Variants in DAB1 observed in about 807,000 individuals in gnomAD.
DAB1 encodes the protein disabled homolog 1.
DAB1 carries 15 observed loss-of-function variants against 64.6 expected under a neutral mutation model. The ratio of observed to expected loss-of-function variants is 0.23; its 90% CI spans 0.16 to 0.36. The LOEUF is 0.36. DAB1 is among the 10% of genes least tolerant of loss of function. The pLI is 1.00. For missense variants in DAB1, 596 were observed against 706.7 expected (o/e 0.84, Z 1.78); for synonymous variants, 235 against 251.9 (o/e 0.93, Z 0.64).
chr1:57,867,187 A>T (rs1012959088), intron 1 of DAB1: 21 of 152,144 alleles, frequency 1.4e-4, no homozygotes, highest in Non-Finnish European at 2.9e-5. Context: ...CATTAATCAC[A>T]CACGGCACGC....
intron 7 of DAB1, among the ~76,000 whole-genome samples, chr1:57,442,053 T>C (rs1017696194): frequency 1.3e-5 from 2 of 152,222 alleles, no homozygotes; most frequent in African/African-American, 4.8e-5. Context: ...GCGTTTTTCA[T>C]ATATTTGTTG....
intron 6 of DAB1, among the ~76,000 whole-genome samples, chr1:57,767,440 AG>A (rs896216133): frequency 6.6e-6 from 1 of 152,188 alleles, no homozygotes; most frequent in African/African-American, 2.4e-5. Flanking sequence ...CTAGTCAATA[AG>A]GCTTCCCTTG....
chr1:57,216,314 C>T (rs1025415947), intron 2 of DAB1, among the ~76,000 whole-genome samples: 2 of 152,082 alleles, frequency 1.3e-5, no homozygotes, highest in Non-Finnish European at 2.9e-5. Flanking sequence ...TGGCTTCCAG[C>T]AGGGTACCTT....
intron 4 of DAB1, among the ~76,000 whole-genome samples, chr1:57,085,044 C>T (rs902353802): frequency 1.3e-5 from 2 of 152,208 alleles, no homozygotes; most frequent in African/African-American, 4.8e-5. Context: ...TAGCCATCTC[C>T]TTCAACTTAC....
intron 3 of DAB1, among the ~76,000 whole-genome samples, chr1:58,451,940 G>A (rs1166460130): frequency 1.5e-5 from 2 of 137,230 alleles, no homozygotes; most frequent in East Asian, 2.0e-4. Context: ...TTTTTTTGAC[G>A]GAGTTTCACT....
At chr1:57,108,376 T>G (rs549310715) in intron 4 of DAB1, among the ~76,000 whole-genome samples, 1 of 152,280 alleles carries the variant, frequency 6.6e-6, no homozygotes, top group African/African-American at 2.4e-5. Flanking sequence ...CACTCAGCTG[T>G]TTGGAACACG....
At chr1:57,028,032 A>C (rs747996182) in intron 9 of DAB1, among the ~76,000 whole-genome samples, 10 of 152,180 alleles carry the variant, frequency 6.6e-5, no homozygotes, top group Non-Finnish European at 1.3e-4. Context: ...AATGCAGCAG[A>C]AATAGCAACA....
chr1:57,320,546 C>A (rs369537412), intron 1 of DAB1, among the ~76,000 whole-genome samples: 1 of 152,152 alleles, frequency 6.6e-6, no homozygotes, highest in Non-Finnish European at 1.5e-5. Context: ...CTATATAAAC[C>A]TATCCATGCA....
At chr1:57,249,495 G>T (rs117814189) in intron 2 of DAB1, among the ~76,000 whole-genome samples, 3 of 152,002 alleles carry the variant, frequency 2.0e-5, no homozygotes, top group Non-Finnish European at 4.4e-5. Context: ...CCTTAGTCCC[G>T]CAAGTATCTG....
intron 1 of DAB1, among the ~76,000 whole-genome samples, chr1:57,832,005 G>A (rs1388536194): frequency 2.0e-5 from 3 of 152,040 alleles, no homozygotes; most frequent in Non-Finnish European, 2.9e-5. Context: ...TAAACAATAG[G>A]ACAAACACAT....
At chr1:57,691,346 C>T (rs1434388491) in intron 6 of DAB1, among the ~76,000 whole-genome samples, 1 of 152,112 alleles carries the variant, frequency 6.6e-6, no homozygotes, top group African/African-American at 2.4e-5. Flanking sequence ...TGTAAACACA[C>T]CAAGCAGCAC....
intron 4 of DAB1, among the ~76,000 whole-genome samples, chr1:58,259,773 T>C (rs1001873052): frequency 2.6e-5 from 4 of 152,206 alleles, no homozygotes; most frequent in African/African-American, 9.6e-5. Flanking sequence ...TAATTCTTTG[T>C]TCAAACCATG....
intron 1 of DAB1, among the ~76,000 whole-genome samples, chr1:58,532,136 C>T (rs1346601217): frequency 1.3e-5 from 2 of 152,114 alleles, no homozygotes; most frequent in Non-Finnish European, 2.9e-5. Flanking sequence ...AATACACACA[C>T]AAAAACCTGT....
At chr1:57,764,011 T>C (rs1393443236) in intron 6 of DAB1, among the ~76,000 whole-genome samples, 3 of 152,150 alleles carry the variant, frequency 2.0e-5, no homozygotes, top group Non-Finnish European at 4.4e-5. Context: ...GCAAAGACTA[T>C]CACATGTGTT....
At chr1:57,603,497 G>C (rs1196028254) in intron 7 of DAB1, among the ~76,000 whole-genome samples, 1 of 152,198 alleles carries the variant, frequency 6.6e-6, no homozygotes, top group Non-Finnish European at 1.5e-5. Flanking sequence ...ACAATTATCA[G>C]TCTTCCTGTT....
At chr1:57,498,907 C>CT (rs1644259306) in intron 7 of DAB1, among the ~76,000 whole-genome samples, 1 of 152,144 alleles carries the variant, frequency 6.6e-6, no homozygotes, top group Non-Finnish European at 1.5e-5. Context: ...GGCAAAGGAA[C>CT]TAGGCTCACT....
chr1:58,064,744 C>T (rs572832451), intron 5 of DAB1, among the ~76,000 whole-genome samples: 7 of 151,928 alleles, frequency 4.6e-5, no homozygotes, highest in Non-Finnish European at 8.8e-5. Context: ...TATTTTGAGA[C>T]GGAATCTCGC....
intron 7 of DAB1, among the ~76,000 whole-genome samples, chr1:57,628,105 C>A (rs935476293): frequency 2.0e-5 from 3 of 152,194 alleles, no homozygotes; most frequent in Non-Finnish European, 4.4e-5. Context: ...TAATTTGGAA[C>A]TGAGTCCTGA....
chr1:57,255,095 G>T (rs188834083), intron 2 of DAB1, among the ~76,000 whole-genome samples: 1 of 152,118 alleles, frequency 6.6e-6, no homozygotes, highest in African/African-American at 2.4e-5. Context: ...ATGGATAAAT[G>T]AAATAACTAG....
Sources: gnomAD v4.1 joint callset for allele counts (sites outside exome capture counted in the v4.1 genomes callset) on GRCh38, gnomAD v4.1.1 for gene constraint, MANE v1.5 for transcripts, NCBI Gene and HGNC (gene_info 2026-07-23, HGNC 2026-07-21) for gene names.